The following TTC39C variants were observed in gnomAD, a reference collection of about 807,000 sequenced individuals.
The protein encoded by TTC39C is tetratricopeptide repeat domain 39C.
A neutral mutation model predicts 76.3 loss-of-function variants in TTC39C; 33 were observed. That is an observed-to-expected ratio of 0.43 (90% CI 0.33 to 0.58). TTC39C has a LOEUF of 0.58. TTC39C is among the 20% of genes least tolerant of loss of function. The pLI, the probability that TTC39C is intolerant of heterozygous loss-of-function variation, is 0.04. For missense variants in TTC39C, 595 were observed against 701.4 expected (o/e 0.85, Z 1.71); for synonymous variants, 254 against 260.6 (o/e 0.97, Z 0.24).
In TTC39C at chr18:24,132,697, T is replaced by A. The variant is rs2085147660; in HGVS notation, c.*123T>A. On this transcript the variant is annotated 3_prime_UTR_variant, in exon 14 of 14. Transcript: ENST00000317571. ...GAAAACCACCTGTGCCAGGGACACA[T>A]TTTCCCAGTTAAGCTGACATATTAA... 7.4e-6 allele frequency: 5 copies of A among 671,170 alleles called. No individual in the cohort carries two copies. Among genetic ancestry groups the A allele is most frequent in the Non-Finnish European group, 1.2e-5 (5 of 410,152 alleles). 41.6% of individuals were successfully genotyped at this position (671,170 alleles called of 1,614,324 possible).
intron 1 of TTC39C, among the ~76,000 whole-genome samples, chr18:24,023,815 C>T (rs1568408446): frequency 9.7e-5 from 1 of 10,320 alleles, no homozygotes; most frequent in African/African-American, 1.2e-4. Context: ...CTTTTGCTAA[C>T]AATTCCCCTT....
intron 8 of TTC39C, among the ~76,000 whole-genome samples, chr18:24,121,518 G>T (rs1370804972): frequency 2.0e-5 from 3 of 152,112 alleles, no homozygotes; most frequent in African/African-American, 4.8e-5. Flanking sequence ...GGCAGAAGTT[G>T]CAGTGAGCCA....
chr18:24,119,399 CTTCTTA>C (rs1256514060), intron 8 of TTC39C, among the ~76,000 whole-genome samples: 4 of 152,152 alleles, frequency 2.6e-5, no homozygotes, highest in African/African-American at 9.7e-5. Context: ...TTTTCAATAC[CTTCTTA>C]TTCTTAACGT....
chr18:24,044,052 T>TTGTGTGTGTGTGTGTGTG (rs56233680), intron 1 of TTC39C, among the ~76,000 whole-genome samples: 31 of 147,848 alleles, frequency 2.1e-4, no homozygotes, highest in African/African-American at 7.3e-4. Context: ...TTGTGTATGT[T>TTGTGTGTGTGTGTGTGTG]TGTGTGTGTG....
At chr18:24,123,743 T>G in intron 8 of TTC39C, 91 bp from the exon 9 acceptor site, 1 of 290,604 alleles carries the variant, frequency 3.4e-6, no homozygotes, top group South Asian at 7.3e-5. Flanking sequence ...TTGCTCCTGC[T>G]TTTTTTTTTT....
rs916936167 is a variant in TTC39C at position 24,051,108 on chromosome 18, A to C, written c.168-13032A>C. Among the ~76,000 whole-genome samples, 8 of 152,026 alleles carry C rather than the reference A, an allele frequency of 5.3e-5. No homozygotes were observed. In the East Asian group the frequency reaches 1.5e-3, roughly 29 times the overall value. On this transcript the variant is annotated intron_variant, in intron 1 of 13. Coordinates refer to ENST00000317571, the MANE Select transcript of TTC39C (RefSeq NM_001135993.2). ...TTAGAGAGCGGCTCATTAATGATCT[A>C]CCTGTAGATAATTACTACCTCAGGC...
Position 24,057,559 on chromosome 18 carries a change from C to T in TTC39C, c.168-6581C>T, listed in dbSNP as rs1383472412. The stretch of plus-strand genomic sequence containing the variant: ...TTGGATTTCATATACATGGACTCAT[C>T]TAGGATATACTCTTTTGTGTCTAGC... On this transcript the variant is annotated intron_variant, in intron 1 of 13. Coordinates refer to ENST00000317571, the MANE Select transcript of TTC39C (RefSeq NM_001135993.2). Among the ~76,000 whole-genome samples, 4 of 151,870 alleles carry T rather than the reference C, an allele frequency of 2.6e-5. No homozygotes were observed. In the South Asian group the frequency reaches 8.3e-4, roughly 32 times the overall value.
chr18:24,085,213 C>A (rs1296524420), intron 6 of TTC39C, among the ~76,000 whole-genome samples: 1 of 152,162 alleles, frequency 6.6e-6, no homozygotes, highest in African/African-American at 2.4e-5. Flanking sequence ...CTTCAGCGAT[C>A]CATCTAGAAG....
At chr18:24,123,496 T>G (rs2085003956) in intron 8 of TTC39C, 1 of 184,212 alleles carries the variant, frequency 5.4e-6, no homozygotes. Context: ...AACCTCTGCC[T>G]CCTAAGTTCA....
intron 1 of TTC39C, among the ~76,000 whole-genome samples, chr18:24,022,124 T>C (rs1482878754): frequency 6.6e-6 from 1 of 152,118 alleles, no homozygotes; most frequent in Non-Finnish European, 1.5e-5. Flanking sequence ...TATGGGAGGA[T>C]GTGTGTAGGT....
In TTC39C at chr18:24,076,271, C is replaced by T. The variant is rs568889199; in HGVS notation, c.461-4314C>T. 1.2e-4 allele frequency among the ~76,000 whole-genome samples: 18 copies of T among 152,296 alleles called. No homozygotes were observed. In the East Asian group the frequency reaches 1.9e-3, roughly 16 times the overall value. ...CTGGGATTACAGGCATGAGCCACCG[C>T]GCCCGGCCTGCTCTGTGGTTTTTCT... On this transcript the variant is annotated intron_variant, in intron 4 of 13. Coordinates refer to ENST00000317571, the MANE Select transcript of TTC39C (RefSeq NM_001135993.2).
At chr18:24,002,304 T>G (rs1402762728) in intron 1 of TTC39C, among the ~76,000 whole-genome samples, 1 of 152,016 alleles carries the variant, frequency 6.6e-6, no homozygotes, top group African/African-American at 2.4e-5. Context: ...CCTCTACAAA[T>G]GGGCAAGCAT....
intron 1 of TTC39C, among the ~76,000 whole-genome samples, chr18:23,997,722 G>GAAAGAA (rs1305883486): frequency 1.3e-5 from 2 of 150,248 alleles, no homozygotes; most frequent in Non-Finnish European, 3.0e-5. Context: ...AAGAAAGAAA[G>GAAAGAA]AAACCAAAAC....
At chr18:24,095,547 A>G (rs1175888162) in intron 6 of TTC39C, among the ~76,000 whole-genome samples, 1 of 152,030 alleles carries the variant, frequency 6.6e-6, no homozygotes, top group Non-Finnish European at 1.5e-5. Flanking sequence ...AAAAATACAA[A>G]AATTAGCGGG....
At chr18:24,046,603 T>C (rs73402282) in intron 1 of TTC39C, among the ~76,000 whole-genome samples, 2,007 of 152,006 alleles carry the variant, frequency 0.013, 102 homozygotes, top group African/African-American at 0.046. Flanking sequence ...TAGGTGAATA[T>C]GTTTAATTTG....
chr18:24,125,856 C>T (rs1305797504), intron 10 of TTC39C, among the ~76,000 whole-genome samples: 1 of 152,138 alleles, frequency 6.6e-6, no homozygotes, highest in East Asian at 1.9e-4. Flanking sequence ...CCCGAGAGTA[C>T]TTTGTTTCAT....
chr18:24,132,423 C>G, intron 13 of TTC39C, 62 bp from the exon 14 acceptor site: 1 of 1,457,130 alleles, frequency 6.9e-7, no homozygotes, highest in Non-Finnish European at 9.6e-7. Context: ...GTGCTTTATA[C>G]CACAGTACCC....
intron 7 of TTC39C, 22 bp from the exon 8 acceptor site, chr18:24,118,103 G>T (rs1310378657): frequency 6.2e-7 from 1 of 1,605,162 alleles, no homozygotes; most frequent in Non-Finnish European, 8.5e-7. Flanking sequence ...AGGGTCATGT[G>T]CTAAAAATAT....
At chr18:24,111,997 A>G (rs987383858) in intron 6 of TTC39C, among the ~76,000 whole-genome samples, 1 of 152,188 alleles carries the variant, frequency 6.6e-6, no homozygotes, top group Admixed American at 6.5e-5. Context: ...TCCTCACTCA[A>G]TGATCAGGAT....
Sources: gnomAD v4.1 joint callset for allele counts (sites outside exome capture counted in the v4.1 genomes callset) on GRCh38, gnomAD v4.1.1 for gene constraint, MANE v1.5 for transcripts, NCBI Gene and HGNC (gene_info 2026-07-23, HGNC 2026-07-21) for gene names.